Variants in GAREM1 observed in about 807,000 individuals in gnomAD.
The protein encoded by GAREM1 is GRB2 associated regulator of MAPK1 subtype 1, also known as GRB2-associated and regulator of MAPK protein 1.
Under a neutral mutation model 71.3 loss-of-function variants are expected in GAREM1, and 26 were observed. The ratio of observed to expected loss-of-function variants is 0.36; its 90% CI spans 0.27 to 0.51. GAREM1 has a LOEUF of 0.51. Ranked by LOEUF, GAREM1 falls within the 20% of genes least tolerant of loss-of-function variation. GAREM1 has a pLI of 0.95. For missense variants in GAREM1, 1,026 were observed against 1,103.1 expected (o/e 0.93, Z 0.99); for synonymous variants, 440 against 433.2 (o/e 1.02, Z -0.20).
intron 1 of GAREM1, among the ~76,000 whole-genome samples, chr18:32,413,450 G>C (rs1012288233): frequency 1.3e-5 from 2 of 152,172 alleles, no homozygotes; most frequent in African/African-American, 4.8e-5. Flanking sequence ...ACACATAACA[G>C]AGGGTTAATA....
chr18:32,346,749 G>A (rs1384482386), intron 2 of GAREM1, among the ~76,000 whole-genome samples: 1 of 152,192 alleles, frequency 6.6e-6, no homozygotes, highest in Non-Finnish European at 1.5e-5. Context: ...GAACTTAAGA[G>A]AGAATCTGAT....
intron 2 of GAREM1, among the ~76,000 whole-genome samples, chr18:32,318,525 A>G (rs556519767): frequency 6.6e-6 from 1 of 152,338 alleles, no homozygotes; most frequent in South Asian, 2.1e-4. Context: ...ATGAAGAAAT[A>G]AAAGGCAGAC....
intron 1 of GAREM1, among the ~76,000 whole-genome samples, chr18:32,394,053 C>T (rs1313380277): frequency 6.6e-6 from 1 of 152,146 alleles, no homozygotes; most frequent in Non-Finnish European, 1.5e-5. Context: ...CTGTAATGAT[C>T]AACTTGGCTA....
chr18:32,299,479 A>T (rs947846340), intron 3 of GAREM1, among the ~76,000 whole-genome samples: 2 of 137,426 alleles, frequency 1.5e-5, no homozygotes, highest in Non-Finnish European at 3.0e-5. Flanking sequence ...GCGCCACTGT[A>T]CTCCAGCCTG....
chr18:32,306,037 C>T (rs186326402), intron 3 of GAREM1, among the ~76,000 whole-genome samples: 14 of 152,342 alleles, frequency 9.2e-5, no homozygotes, highest in African/African-American at 2.9e-4. Flanking sequence ...CTTGACTAAA[C>T]TCTAGGACCA....
chr18:32,442,242 C>A (rs940655940), intron 1 of GAREM1, among the ~76,000 whole-genome samples: 1 of 152,048 alleles, frequency 6.6e-6, no homozygotes, highest in Admixed American at 6.6e-5. Context: ...ATTTTTACAA[C>A]CATAAAATGT....
At chr18:32,304,363 A>C (rs2047229616) in intron 3 of GAREM1, among the ~76,000 whole-genome samples, 1 of 152,072 alleles carries the variant, frequency 6.6e-6, no homozygotes, top group Non-Finnish European at 1.5e-5. Flanking sequence ...GAGTAAGTGA[A>C]ATAATCTTAA....
In GAREM1 at chr18:32,470,715, G is replaced by A. The variant is rs947545265; in HGVS notation, c.-287C>T. 3.3e-5 allele frequency among the ~76,000 whole-genome samples: 5 copies of A among 149,600 alleles called. No homozygotes were observed. Among genetic ancestry groups the A allele is most frequent in the African/African-American group, 4.9e-5 (2 of 41,174 alleles). ...GCTGCGGGCGGCGGCGGCGGCCCGG[G>A]TGGCTGCGGCGGCTCCCGCTCCGCC... is the stretch of plus-strand genomic sequence containing the variant. On this transcript the variant is annotated 5_prime_UTR_variant, in exon 1 of 6. Transcript: ENST00000269209. This position sits in a 1 kb window ranked among gnomAD's most constrained non-coding sequence, Gnocchi z 4.4.
chr18:32,359,581 A>G (rs1199414345), intron 2 of GAREM1, among the ~76,000 whole-genome samples: 2 of 152,200 alleles, frequency 1.3e-5, no homozygotes, highest in Admixed American at 1.3e-4. Flanking sequence ...TAACGTAACT[A>G]TCACAAATTC....
intron 2 of GAREM1, among the ~76,000 whole-genome samples, chr18:32,321,073 A>G (rs1022826809): frequency 6.6e-6 from 1 of 152,124 alleles, no homozygotes; most frequent in Non-Finnish European, 1.5e-5. Context: ...CTGCCCTTCC[A>G]TTATCACATT....
chr18:32,284,813 G>A (rs1437588790), intron 4 of GAREM1, among the ~76,000 whole-genome samples: 1 of 150,988 alleles, frequency 6.6e-6, no homozygotes, highest in Non-Finnish European at 1.5e-5. Flanking sequence ...GCAGTGGCGG[G>A]ATCTCGGCTC....
At chr18:32,391,138 C>T (rs1402343354) in intron 2 of GAREM1, among the ~76,000 whole-genome samples, 1 of 152,182 alleles carries the variant, frequency 6.6e-6, no homozygotes, top group Non-Finnish European at 1.5e-5. Flanking sequence ...CCATGTGGGG[C>T]TGCGGAGGAC....
At chr18:32,295,741 T>C (rs893898593) in intron 3 of GAREM1, among the ~76,000 whole-genome samples, 4 of 152,212 alleles carry the variant, frequency 2.6e-5, no homozygotes, top group East Asian at 1.9e-4. Context: ...GTAGGAGACA[T>C]TGTAAGTACA....
intron 1 of GAREM1, among the ~76,000 whole-genome samples, chr18:32,411,616 T>C (rs2048418307): frequency 2.0e-5 from 3 of 152,212 alleles, no homozygotes; most frequent in Admixed American, 6.5e-5. Flanking sequence ...ATATATTGCA[T>C]AGGATGTGCC....
chr18:32,460,102 C>A (rs2048939647), intron 1 of GAREM1, among the ~76,000 whole-genome samples: 1 of 142,596 alleles, frequency 7.0e-6, no homozygotes. Context: ...ATTGAGAAAA[C>A]TGTCATCTTA....
At chr18:32,384,244 C>A (rs1356511568) in intron 2 of GAREM1, among the ~76,000 whole-genome samples, 1 of 152,150 alleles carries the variant, frequency 6.6e-6, no homozygotes, top group Non-Finnish European at 1.5e-5. Context: ...AAAACAACAT[C>A]ATTTCTTCCT....
intron 2 of GAREM1, among the ~76,000 whole-genome samples, chr18:32,349,112 T>C (rs1356190410): frequency 1.3e-5 from 2 of 152,320 alleles, no homozygotes; most frequent in East Asian, 1.9e-4. Flanking sequence ...CTGCACAGTA[T>C]TGAATTACAT....
chr18:32,408,267 C>T (rs1267716498), intron 1 of GAREM1, among the ~76,000 whole-genome samples: 1 of 151,356 alleles, frequency 6.6e-6, no homozygotes, highest in African/African-American at 2.4e-5. Context: ...ATTGTCACAC[C>T]TTTAATAAAA....
chr18:32,268,346 C>CTCTGCTTT lies in GAREM1; in HGVS notation c.2148_2155dup (p.Ser719LysfsTer17). 6.2e-7 allele frequency: 1 copy of CTCTGCTTT among 1,614,176 alleles called. No individual in the cohort carries two copies. Among genetic ancestry groups the CTCTGCTTT allele is most frequent in the Non-Finnish European group, 8.5e-7 (1 of 1,180,020 alleles). On this transcript the variant is annotated frameshift_variant, in exon 6 of 6. Transcript: ENST00000269209. LOFTEE classifies it high-confidence loss of function. ...GGGGGGTAAGGCAGGGCATGACGTA[C>CTCTGCTTT]TCTGCTTTGTCACACCAGCTGCAAG...
Sources: allele counts gnomAD v4.1 joint callset (sites outside exome capture counted in the v4.1 genomes callset), GRCh38; gene constraint gnomAD v4.1.1; non-coding constraint Gnocchi (gnomAD v3.1); transcripts MANE v1.5; gene names NCBI Gene and HGNC (gene_info 2026-07-23, HGNC 2026-07-21).